The following CHD9 variants were observed in gnomAD, a reference collection of about 807,000 sequenced individuals.
CHD9 encodes the protein chromodomain helicase DNA binding protein 9.
CHD9 carries 77 observed loss-of-function variants against 316.1 expected under a neutral mutation model. The ratio of observed to expected loss-of-function variants is 0.24; its 90% CI spans 0.20 to 0.29. The LOEUF (loss-of-function observed/expected upper bound fraction) is 0.29, where lower values mean the gene tolerates loss of function less well. Ranked by LOEUF, CHD9 falls within the 10% of genes least tolerant of loss-of-function variation. CHD9 has a pLI of 1.00. For missense variants in CHD9, 2,763 were observed against 3,438.1 expected, an observed-to-expected ratio of 0.80 and a Z score of 4.91; for synonymous variants, 1,129 against 1,158.3, an observed-to-expected ratio of 0.97 and a Z score of 0.51.
At chr16:53,271,770 A>G (rs533054884) in intron 22 of CHD9, among the ~76,000 whole-genome samples, 1 of 152,260 alleles carries the variant, frequency 6.6e-6, no homozygotes, top group Admixed American at 6.5e-5. Flanking sequence ...AACAATATAT[A>G]ATGAAATGAA....
Position 53,226,372 on chromosome 16 carries a change from A to G in CHD9, c.1903A>G (p.Arg635Gly). Reference protein sequence around the residue: ...TLKDQDSQKRRSNRQIKRKKY... With the variant: ...TLKDQDSQKRGSNRQIKRKKY... The stretch of plus-strand genomic sequence containing the variant: ...TTCTTGTGGTTCATTACAGAAAAGA[A>G]GATCAAATCGACAAATTAAAAGAAA... Residue 635 changes from arginine (R) to glycine (G), a missense_variant, in exon 5 of 39, where the codon AGA becomes GGA. By Grantham distance (125) the Arg-to-Gly change is moderately radical. Coordinates refer to ENST00000447540, the MANE Select transcript of CHD9 (RefSeq NM_001308319.2). 1 of 1,556,354 alleles carries G rather than the reference A, an allele frequency of 6.4e-7. No individual in the cohort carries two copies. Among genetic ancestry groups the G allele is most frequent in the Non-Finnish European group, 8.7e-7 (1 of 1,153,754 alleles).
intron 1 of CHD9, among the ~76,000 whole-genome samples, chr16:53,070,710 T>C (rs750389389): frequency 4.6e-5 from 7 of 152,098 alleles, no homozygotes; most frequent in Non-Finnish European, 8.8e-5. Context: ...TGCACCACCA[T>C]GCCCAGCTAA....
At chr16:53,229,547 AT>A (rs1219327295) in intron 8 of CHD9, among the ~76,000 whole-genome samples, 3 of 152,188 alleles carry the variant, frequency 2.0e-5, no homozygotes, top group South Asian at 2.1e-4. Flanking sequence ...AAATGGTCTG[AT>A]GTTCTTTCCT....
intron 1 of CHD9, among the ~76,000 whole-genome samples, chr16:53,111,871 T>A (rs908458816): frequency 3.3e-5 from 5 of 152,204 alleles, no homozygotes; most frequent in African/African-American, 1.2e-4. Context: ...CTTAAAAAAA[T>A]TAGCTATAAT....
At chr16:53,078,912 C>T (rs1237658864) in intron 1 of CHD9, among the ~76,000 whole-genome samples, 2 of 152,130 alleles carry the variant, frequency 1.3e-5, no homozygotes, top group Non-Finnish European at 1.5e-5. Flanking sequence ...TGATGCTAAC[C>T]AGCATCACCA....
chr16:53,266,317 T>G (rs1195023438), intron 20 of CHD9, among the ~76,000 whole-genome samples: 1 of 152,164 alleles, frequency 6.6e-6, no homozygotes. Flanking sequence ...TATAATGCAT[T>G]CCATACATAT....
chr16:53,237,378 T>C (rs1177438319), intron 11 of CHD9, among the ~76,000 whole-genome samples: 1 of 152,118 alleles, frequency 6.6e-6, no homozygotes, highest in Non-Finnish European at 1.5e-5. Flanking sequence ...ACCTCTAATA[T>C]CCACAATAGC....
chr16:53,082,200 TTTTATTTATTTATTTATTTA>T (rs142613847), intron 1 of CHD9, among the ~76,000 whole-genome samples: 210 of 140,982 alleles, frequency 1.5e-3, no homozygotes, highest in African/African-American at 4.2e-3. Context: ...CAGGAGAACA[TTTTATTTATTTATTTATTTA>T]TTTATTTATT....
chr16:53,221,419 A>G lies in CHD9; in HGVS notation c.1785-1225A>G, dbSNP rs562053507. On this transcript the variant is annotated intron_variant, in intron 3 of 38. Transcript: ENST00000447540. ...AAATAGTTGTTGAAAGAATTCTGATATCTTTCTGATAAATCATACCTGAAA... is the reference window on the plus strand; with the variant it reads ...AAATAGTTGTTGAAAGAATTCTGATGTCTTTCTGATAAATCATACCTGAAA... 5.3e-4 allele frequency among the ~76,000 whole-genome samples: 81 copies of G among 152,322 alleles called. No individual in the cohort carries two copies. The South Asian group carries it at 6.2e-3, about 12-fold the overall frequency.
At chr16:53,104,039 C>T (rs1336494582) in intron 1 of CHD9, among the ~76,000 whole-genome samples, 1 of 152,188 alleles carries the variant, frequency 6.6e-6, no homozygotes, top group Non-Finnish European at 1.5e-5. Context: ...TGGGCCTGCA[C>T]AGGAAATACC....
chr16:53,183,369 T>C (rs1030027456), intron 2 of CHD9, among the ~76,000 whole-genome samples: 1 of 152,196 alleles, frequency 6.6e-6, no homozygotes, highest in African/African-American at 2.4e-5. Flanking sequence ...TATGTTTCTG[T>C]AATTTCATCA....
At chr16:53,230,951 G>A (rs1346082902) in intron 8 of CHD9, among the ~76,000 whole-genome samples, 1 of 152,198 alleles carries the variant, frequency 6.6e-6, no homozygotes, top group Non-Finnish European at 1.5e-5. Context: ...AGAAAATGCA[G>A]GAGGAGGTAT....
intron 2 of CHD9, among the ~76,000 whole-genome samples, chr16:53,204,764 C>T (rs2045764598): frequency 6.6e-6 from 1 of 151,970 alleles, no homozygotes; most frequent in African/African-American, 2.4e-5. Flanking sequence ...ATCTCTTGTA[C>T]TATAGGTTTT....
chr16:53,226,281 A>G, intron 4 of CHD9, 85 bp from the exon 5 acceptor site: 4 of 870,016 alleles, frequency 4.6e-6, no homozygotes, highest in Non-Finnish European at 6.7e-6. Context: ...TTAATATACA[A>G]AATTGCCAAC....
chr16:53,291,587 A>G (rs1432827227), intron 27 of CHD9, 138 bp from the exon 28 acceptor site: 3 of 562,492 alleles, frequency 5.3e-6, no homozygotes, highest in Non-Finnish European at 9.1e-6. Context: ...TGAAAGTTTT[A>G]TTTTTGCTAA....
chr16:53,176,294 A>G (rs911837480), intron 2 of CHD9, among the ~76,000 whole-genome samples: 1 of 152,156 alleles, frequency 6.6e-6, no homozygotes, highest in African/African-American at 2.4e-5. Flanking sequence ...CTCACGTTGT[A>G]TCACCCTAAT....
chr16:53,306,147 C>T (rs905666041), intron 31 of CHD9, 90 bp from the exon 32 acceptor site: 2 of 685,854 alleles, frequency 2.9e-6, no homozygotes, highest in Non-Finnish European at 4.3e-6. Context: ...TTTTCATTTT[C>T]AGGTGTTTCT....
At chr16:53,099,011 T>C (rs563449764) in intron 1 of CHD9, 117 of 152,368 alleles carry the variant, frequency 7.7e-4, no homozygotes, top group Middle Eastern at 3.4e-3. Flanking sequence ...CTCTGACTCA[T>C]GGAACGAGGG....
chr16:53,203,209 C>T (rs2152853932), intron 2 of CHD9, among the ~76,000 whole-genome samples: 1 of 152,192 alleles, frequency 6.6e-6, no homozygotes, highest in Non-Finnish European at 1.5e-5. Flanking sequence ...AACCAGTACA[C>T]CAGCTTACAA....
Sources: gnomAD v4.1 joint callset for allele counts (sites outside exome capture counted in the v4.1 genomes callset) on GRCh38, gnomAD v4.1.1 for gene constraint, MANE v1.5 for transcripts, NCBI Gene and HGNC (gene_info 2026-07-23, HGNC 2026-07-21) for gene names.